The following LCLAT1 variants were observed in gnomAD, a reference collection of about 807,000 sequenced individuals.
LCLAT1 encodes lysocardiolipin acyltransferase 1.
LCLAT1 carries 11 observed loss-of-function variants against 30.7 expected under a neutral mutation model. The ratio of observed to expected loss-of-function variants is 0.36; its 90% confidence interval spans 0.23 to 0.59. The LOEUF (loss-of-function observed/expected upper bound fraction) is 0.59, where lower values mean the gene tolerates loss of function less well. Among genes scored for constraint, LCLAT1 ranks in the 20% least tolerant of loss-of-function variants. LCLAT1 has a pLI of 0.77. For synonymous variants in LCLAT1, 155 were observed against 151.3 expected (o/e 1.02, Z -0.18); for missense variants, 402 against 458.6 (o/e 0.88, Z 1.13).
chr2:30,520,091 G>A (rs569710658), intron 1 of LCLAT1, among the ~76,000 whole-genome samples: 7 of 152,224 alleles, frequency 4.6e-5, no homozygotes, highest in African/African-American at 1.2e-4. Context: ...GTTCTCTTCC[G>A]GGACCCACAG....
intron 3 of LCLAT1, among the ~76,000 whole-genome samples, chr2:30,553,280 G>C (rs1664761947): frequency 6.6e-6 from 1 of 152,192 alleles, no homozygotes; most frequent in East Asian, 1.9e-4. Context: ...AAAAGGGAAT[G>C]TAAGTCAAAA....
chr2:30,508,030 CTGTAA>C, intron 1 of LCLAT1, among the ~76,000 whole-genome samples: 1 of 152,266 alleles, frequency 6.6e-6, no homozygotes, highest in East Asian at 1.9e-4. Context: ...ATTTGCATTT[CTGTAA>C]TGATCAGTGA....
Position 30,640,107 on chromosome 2 carries a change from C to A in LCLAT1, c.629-10C>A, listed in dbSNP as rs890813090. 6.3e-7 allele frequency: 1 copy of A among 1,599,130 alleles called. No homozygotes were observed. The highest frequency in any genetic ancestry group is 8.5e-7 in the Non-Finnish European group (1 of 1,173,106). The stretch of plus-strand genomic sequence containing the variant: ...TGCTTAATCTATGTTTTCATCTTTT[C>A]GAAACCCAGGTAAGAACCTTGATGC... On this transcript the variant is annotated splice_polypyrimidine_tract_variant and intron_variant, in intron 5 of 5. Transcript: ENST00000379509.
chr2:30,487,855 TGA>T (rs895482801), intron 1 of LCLAT1, among the ~76,000 whole-genome samples: 1 of 152,188 alleles, frequency 6.6e-6, no homozygotes, highest in Non-Finnish European at 1.5e-5. Context: ...CAGTCCTGTC[TGA>T]GAGAGTGACT....
intron 1 of LCLAT1, among the ~76,000 whole-genome samples, chr2:30,474,778 A>G (rs2148297763): frequency 6.7e-6 from 1 of 149,420 alleles, no homozygotes; most frequent in East Asian, 2.0e-4. Context: ...CCTCCTGTGT[A>G]GTTGGGATCA....
chr2:30,513,663 G>T (rs968757729), intron 1 of LCLAT1, among the ~76,000 whole-genome samples: 4 of 152,118 alleles, frequency 2.6e-5, no homozygotes, highest in Non-Finnish European at 2.9e-5. Context: ...GTCAAGCTGG[G>T]AACTGCTTAG....
chr2:30,628,853 A>G (rs903004446), intron 5 of LCLAT1, among the ~76,000 whole-genome samples: 1 of 152,224 alleles, frequency 6.6e-6, no homozygotes, highest in East Asian at 1.9e-4. Flanking sequence ...GGACTGACAG[A>G]CAAAACTAGG....
intron 1 of LCLAT1, among the ~76,000 whole-genome samples, chr2:30,510,172 T>C (rs953912748): frequency 2.0e-5 from 3 of 152,220 alleles, no homozygotes; most frequent in Non-Finnish European, 2.9e-5. Context: ...ATCATCCTTC[T>C]TGACCTCTCA....
rs1353747501 is a variant in LCLAT1 at position 30,642,813 on chromosome 2, A to G, written c.*2194A>G. The stretch of plus-strand genomic sequence containing the variant: ...TTAGTGCTGTATAGCACTAAAACTT[A>G]GAGATACAGACACTGTACTTACTTT... On this transcript the variant is annotated 3_prime_UTR_variant, in exon 6 of 6. Transcript: ENST00000379509. The G allele has an allele frequency of 3.2e-5, 4 of 124,286 alleles. No individual in the cohort carries two copies. The highest frequency in any genetic ancestry group is 3.7e-3 in the Middle Eastern group (1 of 272). The allele number at this position is 124,286 out of a possible 1,614,324, so 7.7% of individuals were successfully genotyped here.
intron 3 of LCLAT1, among the ~76,000 whole-genome samples, chr2:30,534,133 G>A (rs1020693772): frequency 3.9e-5 from 6 of 151,962 alleles, no homozygotes; most frequent in African/African-American, 1.5e-4. Context: ...ATACTGACGT[G>A]GTTTATGATT....
chr2:30,598,440 G>GTGTT (rs1024743225), intron 5 of LCLAT1, among the ~76,000 whole-genome samples: 2 of 150,442 alleles, frequency 1.3e-5, no homozygotes, highest in Non-Finnish European at 3.0e-5. Flanking sequence ...ATTTGCAGAG[G>GTGTT]TGTTTATAGT....
chr2:30,449,300 A>G (rs927810745), intron 1 of LCLAT1, among the ~76,000 whole-genome samples: 2 of 152,200 alleles, frequency 1.3e-5, no homozygotes, highest in Non-Finnish European at 2.9e-5. Flanking sequence ...GGCTCTAGCA[A>G]TGTCCTAGAA....
At chr2:30,519,271 A>C (rs1685350059) in intron 1 of LCLAT1, among the ~76,000 whole-genome samples, 1 of 152,166 alleles carries the variant, frequency 6.6e-6, no homozygotes, top group African/African-American at 2.4e-5. Flanking sequence ...GTAAAACTAC[A>C]AATCGTTCTT....
chr2:30,456,604 A>G (rs1681850532), intron 1 of LCLAT1, among the ~76,000 whole-genome samples: 1 of 151,888 alleles, frequency 6.6e-6, no homozygotes, highest in African/African-American at 2.4e-5. Context: ...GCTGGAGGGC[A>G]TGTTGTTTAT....
chr2:30,571,006 C>T (rs1287662083), intron 5 of LCLAT1, among the ~76,000 whole-genome samples: 2 of 152,124 alleles, frequency 1.3e-5, no homozygotes, highest in Non-Finnish European at 2.9e-5. Flanking sequence ...CAAAGGGGCC[C>T]AGCCTGGCTT....
At chr2:30,611,520 GTTCT>G in intron 5 of LCLAT1, among the ~76,000 whole-genome samples, 1 of 152,188 alleles carries the variant, frequency 6.6e-6, no homozygotes, top group Non-Finnish European at 1.5e-5. Context: ...GTTGTTAACT[GTTCT>G]TTCTCTCTCC....
At chr2:30,473,241 A>G (rs145597199) in intron 1 of LCLAT1, among the ~76,000 whole-genome samples, 159 of 152,294 alleles carry the variant, frequency 1.0e-3, no homozygotes, top group African/African-American at 3.6e-3. Context: ...TGCATATGCT[A>G]TTATGAAGAC....
chr2:30,483,189 A>G (rs751813830), intron 1 of LCLAT1, among the ~76,000 whole-genome samples: 1 of 152,130 alleles, frequency 6.6e-6, no homozygotes, highest in African/African-American at 2.4e-5. Flanking sequence ...TATCATCACA[A>G]TTTTAAAACT....
chr2:30,640,717 T>C lies in LCLAT1; in HGVS notation c.*98T>C. ...CATTTTTGCATGACTATGTCGAATA[T>C]TTCTTACTGCCATCATTATTTGTTA... is the stretch of plus-strand genomic sequence containing the variant. On this transcript the variant is annotated 3_prime_UTR_variant, in exon 6 of 6. Transcript: ENST00000379509. 1 of 1,322,684 alleles carries C rather than the reference T, an allele frequency of 7.6e-7. No individual in the cohort carries two copies. The highest frequency in any genetic ancestry group is 1.0e-6 in the Non-Finnish European group (1 of 971,344). The allele number at this position is 1,322,684 out of a possible 1,614,324, so 81.9% of individuals were successfully genotyped here.
Sources: allele counts gnomAD v4.1 joint callset (sites outside exome capture counted in the v4.1 genomes callset), GRCh38; gene constraint gnomAD v4.1.1; transcripts MANE v1.5; gene names NCBI Gene and HGNC (gene_info 2026-07-23, HGNC 2026-07-21).